Variants in TMEM132B observed in about 807,000 individuals in gnomAD.
TMEM132B encodes the protein transmembrane protein 132B.
A neutral mutation model predicts 90.8 loss-of-function variants in TMEM132B; 18 were observed. The observed-to-expected ratio is 0.20, with a 90% CI of 0.14 to 0.29. The LOEUF is 0.29. TMEM132B is among the 10% of genes least tolerant of loss of function. The pLI is 1.00. For missense variants in TMEM132B, 1,096 were observed against 1,326.8 expected (o/e 0.83, Z 2.70); for synonymous variants, 504 against 523.3 (o/e 0.96, Z 0.50).
chr12:125,380,753 C>A (rs1324500477), intron 2 of TMEM132B, among the ~76,000 whole-genome samples: 1 of 152,208 alleles, frequency 6.6e-6, no homozygotes, highest in African/African-American at 2.4e-5. Context: ...GAACGCAGCC[C>A]TCCCACCCAT....
intron 5 of TMEM132B, among the ~76,000 whole-genome samples, chr12:125,640,929 GACACACAC>G (rs60088908): frequency 1.2e-3 from 175 of 149,430 alleles, no homozygotes; most frequent in African/African-American, 4.1e-3. Flanking sequence ...AGGAGAAATA[GACACACAC>G]ACACACACAC....
chr12:125,520,542 T>TG (rs5801606), intron 4 of TMEM132B, among the ~76,000 whole-genome samples: 90,297 of 151,758 alleles, frequency 0.6, 28,080 homozygotes, highest in East Asian at 0.86. Flanking sequence ...GTCTCTCTGC[T>TG]GGAACACACT....
At chr12:125,238,335 A>G (rs1873982091) in intron 1 of TMEM132B, among the ~76,000 whole-genome samples, 1 of 147,372 alleles carries the variant, frequency 6.8e-6, no homozygotes, top group African/African-American at 2.5e-5. Flanking sequence ...CCTGGGTTAC[A>G]GAGCAAGACT....
chr12:125,242,247 C>A (rs1874088566), intron 1 of TMEM132B, among the ~76,000 whole-genome samples: 1 of 152,118 alleles, frequency 6.6e-6, no homozygotes, highest in African/African-American at 2.4e-5. Flanking sequence ...ACCTCCTGGG[C>A]TCAAGAATCC....
At chr12:125,307,876 C>T (rs561547446) in intron 1 of TMEM132B, among the ~76,000 whole-genome samples, 1 of 41,188 alleles carries the variant, frequency 2.4e-5, no homozygotes, top group Admixed American at 3.3e-4. Flanking sequence ...ACTTATATTA[C>T]TTATATACTT....
At chr12:125,502,885 A>G (rs1036082121) in intron 3 of TMEM132B, among the ~76,000 whole-genome samples, 2 of 152,216 alleles carry the variant, frequency 1.3e-5, no homozygotes, top group Non-Finnish European at 2.9e-5. Context: ...AGGGATTGAG[A>G]ATGGACAACT....
At chr12:125,541,096 C>G (rs1441737626) in intron 4 of TMEM132B, among the ~76,000 whole-genome samples, 1 of 152,214 alleles carries the variant, frequency 6.6e-6, no homozygotes, top group Non-Finnish European at 1.5e-5. Context: ...CAAATATCAC[C>G]TGGTAAGAGC....
At chr12:125,202,464 G>A (rs1873083496) in intron 1 of TMEM132B, among the ~76,000 whole-genome samples, 1 of 152,236 alleles carries the variant, frequency 6.6e-6, no homozygotes. Flanking sequence ...GCTGGACTGG[G>A]GAATGATCTG....
rs1366359228 is a variant in TMEM132B, at chr12:125,399,459, GTGTGTGTGTGTGTGTGTGTGTGTA to G, written c.960-16048_960-16025del. ...TGCTGTGGAAGATGTGAAGAAGGAA[GTGTGTGTGTGTGTGTGTGTGTGTA>G]TGTGTGTGTGTGTGTGTGTGTGTGT... On this transcript the variant is annotated intron_variant, in intron 2 of 8. Coordinates refer to ENST00000682704, the MANE Select transcript of TMEM132B (RefSeq NM_001366854.1). 7.9e-3 allele frequency among the ~76,000 whole-genome samples: 628 copies of G among 79,074 alleles called. 1 individual carries two copies. The highest frequency in any genetic ancestry group is 0.033 in the African/African-American group (587 of 18,048). The allele number at this position is 79,074 out of a possible 152,430, so 51.9% of individuals were successfully genotyped here.
intron 5 of TMEM132B, among the ~76,000 whole-genome samples, chr12:125,618,689 AC>A (rs1330780019): frequency 1.3e-5 from 2 of 152,118 alleles, no homozygotes; most frequent in Non-Finnish European, 2.9e-5. Context: ...TTTAAAGAAT[AC>A]AAATTTTCTC....
At chr12:125,326,624 A>G (rs754513318) in intron 1 of TMEM132B, 1 of 1,606,996 alleles carries the variant, frequency 6.2e-7, no homozygotes, top group South Asian at 1.1e-5. Context: ...TCTACGGGAA[A>G]TGTTTGGTGC....
intron 2 of TMEM132B, among the ~76,000 whole-genome samples, chr12:125,356,677 G>T (rs1877782948): frequency 6.6e-6 from 1 of 152,202 alleles, no homozygotes; most frequent in African/African-American, 2.4e-5. Context: ...GTCTGTTCTG[G>T]AGTTAAGGCT....
At chr12:125,402,240 A>C (rs773615717) in intron 2 of TMEM132B, among the ~76,000 whole-genome samples, 1 of 152,168 alleles carries the variant, frequency 6.6e-6, no homozygotes, top group Non-Finnish European at 1.5e-5. Flanking sequence ...CCCAGGCTGG[A>C]GTGCAGTGGC....
At chr12:125,487,956 G>T (rs1882244626) in intron 3 of TMEM132B, among the ~76,000 whole-genome samples, 1 of 151,948 alleles carries the variant, frequency 6.6e-6, no homozygotes, top group South Asian at 2.1e-4. Context: ...CCTGTGTCTT[G>T]GTTTTGTCTC....
intron 1 of TMEM132B, among the ~76,000 whole-genome samples, chr12:125,232,118 A>G (rs986607727): frequency 1.3e-5 from 2 of 152,180 alleles, no homozygotes; most frequent in African/African-American, 4.8e-5. Context: ...ATAGCTGTGT[A>G]GTGGTCATCG....
At chr12:125,423,989 A>G (rs1325191950) in intron 3 of TMEM132B, among the ~76,000 whole-genome samples, 1 of 152,228 alleles carries the variant, frequency 6.6e-6, no homozygotes, top group East Asian at 1.9e-4. Context: ...CACACACATA[A>G]ACAATTTTTT....
rs956796871 is a variant in TMEM132B at position 125,662,358 on chromosome 12, C to T, written c.*7648C>T. ...ACATTTTGAAAACGAAGAAATAAAA[C>T]ATGTTGGATGATTCCTTGTTATAGT... On this transcript the variant is annotated 3_prime_UTR_variant, in exon 9 of 9. Transcript: ENST00000682704. 6.6e-6 allele frequency: 1 copy of T among 152,092 alleles called. No homozygotes were observed. The highest frequency in any genetic ancestry group is 1.5e-5 in the Non-Finnish European group (1 of 68,012). The allele number at this position is 152,092 out of a possible 1,614,324, so 9.4% of individuals were successfully genotyped here.
chr12:125,326,620 G>T, intron 1 of TMEM132B: 2 of 1,606,374 alleles, frequency 1.2e-6, no homozygotes, highest in Admixed American at 1.7e-5. Flanking sequence ...AGACTCTACG[G>T]GAAATGTTTG....
rs1174914760 is a variant in TMEM132B at position 125,492,058 on chromosome 12, T to A, written c.1107-27381T>A. ...AGGGTATTACTGGAAAAGGGGAAAA[T>A]TTAATCAAGGAGGATCAATACTGCT... On this transcript the variant is annotated intron_variant, in intron 3 of 8. Transcript: ENST00000682704. The surrounding 1 kb of genome is among the most constrained non-coding windows in gnomAD (Gnocchi z 5.8). Among the ~76,000 whole-genome samples, 7 of 152,086 alleles carry A rather than the reference T, an allele frequency of 4.6e-5. No homozygotes were observed.
Sources: allele counts gnomAD v4.1 joint callset (sites outside exome capture counted in the v4.1 genomes callset), GRCh38; gene constraint gnomAD v4.1.1; non-coding constraint Gnocchi (gnomAD v3.1); transcripts MANE v1.5; gene names NCBI Gene and HGNC (gene_info 2026-07-23, HGNC 2026-07-21).